UNC80: variants seen among roughly 807,000 people sequenced by gnomAD.
UNC80 encodes the protein protein unc-80 homolog.
UNC80 carries 164 observed loss-of-function variants against 384.6 expected under a neutral mutation model. That is an observed-to-expected ratio of 0.43 (90% confidence interval 0.38 to 0.49). UNC80 has a LOEUF of 0.49. Ranked by LOEUF, UNC80 falls within the 20% of genes least tolerant of loss-of-function variation. UNC80 has a pLI of 0.00. For synonymous variants in UNC80, 1,486 were observed against 1,527.8 expected (o/e 0.97, Z 0.64); for missense variants, 3,330 against 4,143.0 (o/e 0.80, Z 5.39).
intron 42 of UNC80, among the ~76,000 whole-genome samples, chr2:209,938,710 C>CTCTCTCTCTCTCTGTGTGTGTGTG (rs1491352008): frequency 4.8e-5 from 4 of 83,382 alleles, no homozygotes; most frequent in African/African-American, 1.6e-4. Context: ...CTCTCTCTCT[C>CTCTCTCTCTCTCTGTGTGTGTGTG]TGTGTGTGTG....
Position 209,829,349 on chromosome 2 carries a change from C to T in UNC80, c.2596C>T (p.Leu866=). ...TGTAGTGGACTTCTTGCATGCTTTG[C>T]TAGGATTTTGTATGGAGCCGGTCAC... ...NNVVDFLHAL[L]GFCMEPVTDN... is the part of the protein sequence containing the mutation. The change falls in exon 15 of 65, where the codon CTA becomes TTA. Residue 866 remains leucine, a synonymous_variant. Coordinates refer to ENST00000673920, the MANE Select transcript of UNC80 (RefSeq NM_001371986.1). 1.3e-6 allele frequency: 2 copies of T among 1,551,204 alleles called. No individual in the cohort carries two copies. The highest frequency in any genetic ancestry group is 1.7e-6 in the Non-Finnish European group (2 of 1,146,714).
At chr2:209,820,191 T>G in intron 12 of UNC80, 120 bp from the exon 13 acceptor site, 1 of 1,358,558 alleles carries the variant, frequency 7.4e-7, no homozygotes, top group Non-Finnish European at 9.5e-7. Context: ...TTGTCTAAAT[T>G]ATTTCTACCC....
intron 7 of UNC80, among the ~76,000 whole-genome samples, chr2:209,803,470 C>T (rs2078687129): frequency 6.6e-6 from 1 of 152,196 alleles, no homozygotes; most frequent in Non-Finnish European, 1.5e-5. Flanking sequence ...ACAATAAGAA[C>T]TACCTTTTTG....
chr2:209,815,879 T>C (rs1483112283), intron 9 of UNC80, among the ~76,000 whole-genome samples: 1 of 152,238 alleles, frequency 6.6e-6, no homozygotes, highest in Non-Finnish European at 1.5e-5. Flanking sequence ...AAATACGTTA[T>C]ATTTTTCTGC....
chr2:209,792,113 G>C (rs1470343470), intron 6 of UNC80, among the ~76,000 whole-genome samples: 1 of 152,110 alleles, frequency 6.6e-6, no homozygotes, highest in Non-Finnish European at 1.5e-5. Flanking sequence ...AGACCAGCCT[G>C]GGCAATATGG....
intron 61 of UNC80, 110 bp from the exon 62 acceptor site, chr2:209,992,056 A>T: frequency 1.3e-6 from 1 of 766,118 alleles, no homozygotes; most frequent in Non-Finnish European, 2.0e-6. Flanking sequence ...TTCAAAGATA[A>T]TGGTATCTTT....
chr2:209,858,760 AT>A (rs552184141), intron 22 of UNC80, among the ~76,000 whole-genome samples: 5 of 151,608 alleles, frequency 3.3e-5, no homozygotes, highest in South Asian at 4.2e-4. Context: ...CATTTAAACA[AT>A]TTTTTTCTAG....
chr2:209,814,270 C>G (rs990621080), intron 8 of UNC80, among the ~76,000 whole-genome samples: 3 of 151,564 alleles, frequency 2.0e-5, no homozygotes, highest in African/African-American at 7.3e-5. Flanking sequence ...AAGTCTCGCT[C>G]TGTCGCCCAG....
chr2:209,778,234 C>A (rs1227023534), intron 4 of UNC80, among the ~76,000 whole-genome samples: 1 of 152,128 alleles, frequency 6.6e-6, no homozygotes, highest in Admixed American at 6.6e-5. Context: ...AAAACTCCAT[C>A]TCTAATGAAA....
intron 3 of UNC80, 54 bp from the exon 4 acceptor site, chr2:209,777,204 A>G (rs866411994): frequency 2.0e-6 from 3 of 1,514,722 alleles, no homozygotes; most frequent in African/African-American, 1.4e-5. Flanking sequence ...GTTGACATCT[A>G]TTGCCCTGGT....
At chr2:209,810,673 A>G (rs996199279) in intron 7 of UNC80, among the ~76,000 whole-genome samples, 2 of 152,212 alleles carry the variant, frequency 1.3e-5, no homozygotes, top group Non-Finnish European at 2.9e-5. Context: ...TAATTTACTA[A>G]CTAGAAACAT....
chr2:209,990,557 A>G (rs1159915079), intron 61 of UNC80, among the ~76,000 whole-genome samples: 1 of 152,190 alleles, frequency 6.6e-6, no homozygotes, highest in Non-Finnish European at 1.5e-5. Flanking sequence ...GTATTAGGAG[A>G]AGCTTGTTTC....
At chr2:209,852,372 A>G (rs2082594062) in intron 22 of UNC80, among the ~76,000 whole-genome samples, 1 of 152,096 alleles carries the variant, frequency 6.6e-6, no homozygotes, top group Non-Finnish European at 1.5e-5. Flanking sequence ...GGTTGGATAA[A>G]AGGCATAGGT....
chr2:209,945,253 A>C, intron 46 of UNC80, 64 bp downstream of exon 46: 2 of 1,473,506 alleles, frequency 1.4e-6, no homozygotes, highest in South Asian at 2.6e-5. Flanking sequence ...AAATATATGT[A>C]TTATACACAC....
chr2:209,799,956 G>C (rs2078431732), intron 7 of UNC80, among the ~76,000 whole-genome samples: 1 of 152,182 alleles, frequency 6.6e-6, no homozygotes, highest in South Asian at 2.1e-4. Context: ...TTGATGTGCT[G>C]CTGCATTTGG....
In UNC80 at chr2:209,921,529, C is replaced by T. The variant is rs113111505; in HGVS notation, c.5373C>T (p.Arg1791=). The T allele has an allele frequency of 3.1e-5, 48 of 1,551,642 alleles. No homozygotes were observed. In the African/African-American group the frequency reaches 5.1e-4, roughly 16 times the overall value. ...SKSFSARAVS[R]SHQRAEHILK... ...CCTTTTCAGCCCGGGCTGTGTCCCGCTCCCATCAAAGGGCAGAACACATCT... is the reference window on the plus strand; with the variant it reads ...CCTTTTCAGCCCGGGCTGTGTCCCGTTCCCATCAAAGGGCAGAACACATCT... The change falls in exon 34 of 65, where the codon CGC becomes CGT. Residue 1791 remains arginine, a synonymous_variant. Coordinates refer to ENST00000673920, the MANE Select transcript of UNC80 (RefSeq NM_001371986.1).
chr2:209,943,172 T>C (rs762022454), intron 44 of UNC80, among the ~76,000 whole-genome samples: 3 of 152,212 alleles, frequency 2.0e-5, no homozygotes, highest in African/African-American at 7.2e-5. Context: ...ACAAACTTCC[T>C]GGAAAGAAAG....
chr2:209,816,846 T>C, intron 9 of UNC80, 63 bp from the exon 10 acceptor site: 1 of 1,479,134 alleles, frequency 6.8e-7, no homozygotes, highest in Non-Finnish European at 9.2e-7. Flanking sequence ...TGGAGCCCCT[T>C]GGGAAGCAGA....
chr2:209,978,799 G>A (rs551303908), intron 59 of UNC80, 91 bp downstream of exon 59: 34 of 1,223,790 alleles, frequency 2.8e-5, no homozygotes, highest in Middle Eastern at 2.3e-4. Context: ...GACCTTTTCC[G>A]CTTCTGATCC....
Sources: allele counts gnomAD v4.1 joint callset (sites outside exome capture counted in the v4.1 genomes callset), GRCh38; gene constraint gnomAD v4.1.1; transcripts MANE v1.5; gene names NCBI Gene and HGNC (gene_info 2026-07-23, HGNC 2026-07-21).